RPS24: variants seen among roughly 807,000 people sequenced by gnomAD.
The protein encoded by RPS24 is ribosomal protein S24.
For missense variants in RPS24, 100 were observed against 162.5 expected (o/e 0.62, Z 2.09); for synonymous variants, 72 against 55.6 (o/e 1.30, Z -1.31).
chr10:78,037,541 A>G (rs1046806430), intron 4 of RPS24: 13 of 541,136 alleles, frequency 2.4e-5, no homozygotes, highest in Non-Finnish European at 4.1e-5. Flanking sequence ...TGGAGGCCAC[A>G]TTGGTTCATT....
At chr10:78,055,026 C>A (rs769160910) in exon 5 of RPS24, 1 of 1,456,512 alleles carries the variant, frequency 6.9e-7, no homozygotes, top group African/African-American at 1.4e-5. Context: ...CTGCCATGGC[C>A]GCCTTGCTGC....
rs116808970 is a variant in RPS24, at chr10:78,038,271, G to A, written c.390+967G>A. 4.0e-3 allele frequency: 772 copies of A among 195,196 alleles called. 6 individuals are homozygous for A. The highest frequency in any genetic ancestry group is 0.017 in the African/African-American group (732 of 42,170). 12.1% of individuals were successfully genotyped at this position (195,196 alleles called of 1,614,324 possible). A position where few individuals can be genotyped will look rare whatever the true frequency, so the allele number is the denominator to read the frequency against. On this transcript the variant is annotated intron_variant, in intron 4 of 5. Coordinates refer to ENST00000372360, the MANE Select transcript of RPS24 (RefSeq NM_033022.4). ...GTTACATGTGAAGTGACTCACTGGA[G>A]GAAGGTGAGTACTTTACCAAGTAGG...
intron 4 of RPS24, 156 bp downstream of exon 4, chr10:78,037,460 C>A: frequency 7.8e-7 from 1 of 1,274,088 alleles, no homozygotes; most frequent in Non-Finnish European, 1.1e-6. Context: ...TTTTAAGAAA[C>A]TATGTAGCAT....
chr10:78,054,697 G>A (rs1263550150), exon 5 of RPS24: 2 of 1,551,694 alleles, frequency 1.3e-6, no homozygotes, highest in South Asian at 2.4e-5. Context: ...CGGAGGGGCT[G>A]TGGCAAGTAT....
chr10:78,034,047 C>T (rs973839232), intron 1 of RPS24, 143 bp downstream of exon 1: 5 of 1,080,626 alleles, frequency 4.6e-6, no homozygotes, highest in African/African-American at 1.5e-5. Flanking sequence ...TGTCGAGGGG[C>T]TCGGGGCTGT....
At chr10:78,052,068 C>A (rs1848103847) in intron 4 of RPS24, among the ~76,000 whole-genome samples, 2 of 152,070 alleles carry the variant, frequency 1.3e-5, no homozygotes, top group African/African-American at 2.4e-5. Context: ...CCCTGTCGCC[C>A]AGGCTGGAGT....
At chr10:78,054,211 A>T (rs1457022638) in intron 4 of RPS24, among the ~76,000 whole-genome samples, 1 of 151,914 alleles carries the variant, frequency 6.6e-6, no homozygotes, top group Non-Finnish European at 1.5e-5. Context: ...GGCCATGAAG[A>T]AGGAGTGGGA....
rs1283655353 is a variant in RPS24 at position 78,035,513 on chromosome 10, C to A, written c.72C>A (p.Val24=). The A allele has an allele frequency of 6.2e-7, 1 of 1,614,028 alleles. No individual in the cohort carries two copies. The highest frequency in any genetic ancestry group is 1.7e-5 in the Admixed American group (1 of 60,016). Residue 24 remains valine (V), a splice_region_variant and synonymous_variant, in exon 3 of 6, where the codon GTC becomes GTA. Transcript: ENST00000372360. ...CTAAACTTGATATCTCCTTTTAGGT[C>A]ATTGATGTCCTTCACCCCGGGAAGG... ...TNRLLQRKQM[V]IDVLHPGKAT...
chr10:78,045,955 C>A (rs1423118347), intron 4 of RPS24, among the ~76,000 whole-genome samples: 4 of 151,954 alleles, frequency 2.6e-5, no homozygotes, highest in Non-Finnish European at 5.9e-5. Flanking sequence ...TGAGCCGAGA[C>A]CATGCCACTG....
chr10:78,050,056 C>T (rs1445570252), intron 4 of RPS24, among the ~76,000 whole-genome samples: 1 of 152,148 alleles, frequency 6.6e-6, no homozygotes, highest in Non-Finnish European at 1.5e-5. Context: ...AAAAGGTAGG[C>T]GGTGCTGGCA....
rs113768512 is a variant in RPS24, at chr10:78,050,572, A to G, written c.391-3959A>G. ...AAAGTGTGCAATTCAATGGGTTTCA[A>G]TGTATTTGCAGAGTGGTGCAACCAC... On this transcript the variant is annotated intron_variant, in intron 4 of 4. Transcript: ENST00000440692. Among the ~76,000 whole-genome samples, 412 of 152,320 alleles carry G rather than the reference A, an allele frequency of 2.7e-3. 2 individuals are homozygous for G. Among genetic ancestry groups the G allele is most frequent in the Admixed American group, 9.4e-3 (143 of 15,290 alleles).
intron 4 of RPS24, among the ~76,000 whole-genome samples, chr10:78,052,552 G>A (rs868493414): frequency 4.6e-5 from 7 of 152,142 alleles, no homozygotes; most frequent in African/African-American, 9.7e-5. Flanking sequence ...TCTAGCTGCC[G>A]CCATGGGAGG....
At chr10:78,039,957 A>C (rs1847956971) in intron 4 of RPS24, 2 of 578,286 alleles carry the variant, frequency 3.5e-6, no homozygotes, top group Admixed American at 5.2e-5. Flanking sequence ...TTCATTGTGA[A>C]GTCCGGCTAC....
At chr10:78,035,070 T>C (rs571697280) in intron 1 of RPS24, among the ~76,000 whole-genome samples, 5 of 152,316 alleles carry the variant, frequency 3.3e-5, no homozygotes, top group African/African-American at 1.2e-4. Flanking sequence ...TATGGAAATA[T>C]CAGTAGTGCT....
downstream of RPS24, among the ~76,000 whole-genome samples, chr10:78,045,348 C>A (rs757663602): frequency 6.6e-6 from 1 of 152,176 alleles, no homozygotes; most frequent in Non-Finnish European, 1.5e-5. Flanking sequence ...AGTTCCTGAT[C>A]TCCACTCAGC....
intron 4 of RPS24, among the ~76,000 whole-genome samples, chr10:78,051,170 A>G (rs12246506): frequency 0.065 from 9,882 of 152,254 alleles, 1,089 homozygotes; most frequent in African/African-American, 0.23. Context: ...AGCCTGGGCA[A>G]CAGAGTGGGT....
At chr10:78,054,664 G>A (rs1299169640) in exon 5 of RPS24, 10 of 1,551,740 alleles carry the variant, frequency 6.4e-6, no homozygotes, top group South Asian at 1.2e-5. Flanking sequence ...GGACCGTGGA[G>A]CGTGTGGACA....
chr10:78,054,685 T>C, exon 5 of RPS24: 1 of 1,551,634 alleles, frequency 6.4e-7, no homozygotes, highest in Non-Finnish European at 8.7e-7. Flanking sequence ...TGTGGCAGAT[T>C]GCGGAGGGGC....
At chr10:78,054,462 G>C (rs955087124) in intron 4 of RPS24, 3 of 1,370,516 alleles carry the variant, frequency 2.2e-6, no homozygotes, top group Non-Finnish European at 3.0e-6. Context: ...GGCCACAGGC[G>C]CAGAACAGGG....
Sources: gnomAD v4.1 joint callset for allele counts (sites outside exome capture counted in the v4.1 genomes callset) on GRCh38, gnomAD v4.1.1 for gene constraint, MANE v1.5 for transcripts, NCBI Gene and HGNC (gene_info 2026-07-23, HGNC 2026-07-21) for gene names.